NETO2: variants seen among roughly 807,000 people sequenced by gnomAD.
The protein encoded by NETO2 is neuropilin and tolloid-like protein 2.
A neutral mutation model predicts 62.5 loss-of-function variants in NETO2; 28 were observed. The observed-to-expected ratio is 0.45, with a 90% CI of 0.33 to 0.61. The LOEUF is 0.61. Ranked by LOEUF, NETO2 falls within the 20% of genes least tolerant of loss-of-function variation. The pLI is 0.02. For missense variants in NETO2, 548 were observed against 643.2 expected, an observed-to-expected ratio of 0.85 and a Z score of 1.60; for synonymous variants, 214 against 219.1, an observed-to-expected ratio of 0.98 and a Z score of 0.21.
intron 2 of NETO2, among the ~76,000 whole-genome samples, chr16:47,131,328 A>G (rs1267089938): frequency 6.6e-6 from 1 of 152,210 alleles, no homozygotes; most frequent in Admixed American, 6.5e-5. Flanking sequence ...GCAATACAGC[A>G]TGTTATTTAG....
In NETO2 at chr16:47,079,067, G is replaced by T. The variant is rs1041255140; in HGVS notation, c.*4154C>A. 5.3e-5 allele frequency: 8 copies of T among 152,018 alleles called. No homozygotes were observed. Among genetic ancestry groups the T allele is most frequent in the African/African-American group, 1.9e-4 (8 of 41,384 alleles). The allele number at this position is 152,018 out of a possible 1,614,324, so 9.4% of individuals were successfully genotyped here. On this transcript the variant is annotated 3_prime_UTR_variant, in exon 9 of 9. Transcript: ENST00000562435. Reference sequence around the variant, plus strand: ...GAGGCCGAGGCGGGCGGATCACGAGGTCAGGAGATCGAGACCATCCTGGCT... The same window carrying T: ...GAGGCCGAGGCGGGCGGATCACGAGTTCAGGAGATCGAGACCATCCTGGCT...
chr16:47,106,988 C>A (rs77409725), intron 7 of NETO2, among the ~76,000 whole-genome samples: 2 of 152,026 alleles, frequency 1.3e-5, no homozygotes, highest in African/African-American at 4.8e-5. Context: ...TGCCACATTG[C>A]CCAGGCTGGT....
At chr16:47,085,177 C>T (rs1015769655) in intron 8 of NETO2, among the ~76,000 whole-genome samples, 13 of 152,048 alleles carry the variant, frequency 8.5e-5, no homozygotes, top group Non-Finnish European at 1.2e-4. Flanking sequence ...GGAAATGTTA[C>T]GAAATAAAAA....
chr16:47,090,531 A>G (rs1250291148), intron 7 of NETO2, among the ~76,000 whole-genome samples: 1 of 152,042 alleles, frequency 6.6e-6, no homozygotes, highest in East Asian at 1.9e-4. Context: ...CTCTCTACCT[A>G]TTGCTGTTCC....
chr16:47,118,814 T>A (rs1963975668), intron 6 of NETO2, among the ~76,000 whole-genome samples: 1 of 152,186 alleles, frequency 6.6e-6, no homozygotes, highest in African/African-American at 2.4e-5. Context: ...CATTTCTGTA[T>A]CACTAAAGCC....
chr16:47,131,973 G>C lies in NETO2; in HGVS notation c.87C>G (p.Thr29=), dbSNP rs749963851. 6.2e-7 allele frequency: 1 copy of C among 1,611,852 alleles called. No individual in the cohort carries two copies. Among genetic ancestry groups the C allele is most frequent in the South Asian group, 1.1e-5 (1 of 90,994 alleles). The change falls in exon 2 of 9, where the codon ACC becomes ACG. Residue 29 remains threonine, a synonymous_variant. Transcript: ENST00000562435. ...TCACCAATGTAAGTACTTTACCTTG[G>C]GTTTTTTGGGCCACGGCAATCCCTT... ...VVEGIAVAQK[T]QDGQNIGIKH...
intron 1 of NETO2, among the ~76,000 whole-genome samples, chr16:47,135,010 A>G (rs1156915938): frequency 1.3e-5 from 2 of 152,210 alleles, no homozygotes; most frequent in East Asian, 3.8e-4. Context: ...CTGTGCCACT[A>G]AATATAAAAA....
At chr16:47,100,560 A>G (rs963045739) in intron 7 of NETO2, among the ~76,000 whole-genome samples, 53 of 152,172 alleles carry the variant, frequency 3.5e-4, no homozygotes, top group Admixed American at 3.4e-3. Context: ...CGCTAGTCAG[A>G]CTAATAAAGA....
At chr16:47,129,658 A>C (rs1333021226) in intron 2 of NETO2, among the ~76,000 whole-genome samples, 1 of 152,216 alleles carries the variant, frequency 6.6e-6, no homozygotes, top group Non-Finnish European at 1.5e-5. Flanking sequence ...AAGATGCAAT[A>C]CAATTCAGTT....
intron 1 of NETO2, among the ~76,000 whole-genome samples, chr16:47,133,691 C>T (rs1199550456): frequency 6.6e-6 from 1 of 151,638 alleles, no homozygotes; most frequent in Non-Finnish European, 1.5e-5. Context: ...CTCTAACCTA[C>T]AGCAGGTTTT....
At chr16:47,112,936 T>C (rs577318846) in intron 6 of NETO2, among the ~76,000 whole-genome samples, 5 of 152,350 alleles carry the variant, frequency 3.3e-5, no homozygotes, top group South Asian at 2.1e-4. Flanking sequence ...ATATGTTGTA[T>C]TGTTCCATAT....
At chr16:47,116,043 C>G (rs2143933691) in intron 6 of NETO2, among the ~76,000 whole-genome samples, 1 of 151,534 alleles carries the variant, frequency 6.6e-6, no homozygotes, top group Non-Finnish European at 1.5e-5. Flanking sequence ...GCTACAACTT[C>G]TAGTATAACA....
chr16:47,133,279 T>C (rs1225841060), intron 1 of NETO2, among the ~76,000 whole-genome samples: 2 of 151,254 alleles, frequency 1.3e-5, no homozygotes, highest in Non-Finnish European at 2.9e-5. Flanking sequence ...ACAGCTTAAA[T>C]AAGAACATGG....
chr16:47,094,614 A>G (rs1183596889), intron 7 of NETO2, among the ~76,000 whole-genome samples: 2 of 151,956 alleles, frequency 1.3e-5, no homozygotes, highest in East Asian at 3.9e-4. Context: ...TTTAGTAGAG[A>G]CAGGGTTTCA....
chr16:47,111,710 C>A, intron 6 of NETO2, among the ~76,000 whole-genome samples: 1 of 152,168 alleles, frequency 6.6e-6, no homozygotes, highest in East Asian at 1.9e-4. Context: ...GTAGGCCGGT[C>A]TGCTCTGCAG....
intron 1 of NETO2, among the ~76,000 whole-genome samples, chr16:47,137,826 T>C (rs1364497103): frequency 3.9e-5 from 6 of 152,196 alleles, no homozygotes; most frequent in African/African-American, 1.2e-4. Context: ...GTAACAGAAA[T>C]ACCTAAACTA....
chr16:47,130,938 G>A (rs561845200), intron 2 of NETO2, among the ~76,000 whole-genome samples: 67 of 152,072 alleles, frequency 4.4e-4, no homozygotes, highest in East Asian at 3.5e-3. Flanking sequence ...AAGTCTCAGC[G>A]AATGTGGAGC....
chr16:47,087,836 G>A (rs1217831451), intron 7 of NETO2, among the ~76,000 whole-genome samples: 1 of 152,138 alleles, frequency 6.6e-6, no homozygotes, highest in Non-Finnish European at 1.5e-5. Flanking sequence ...GGGGTAGCCA[G>A]TCGCTCCTGT....
intron 7 of NETO2, among the ~76,000 whole-genome samples, chr16:47,091,426 G>GA (rs1372409488): frequency 6.6e-6 from 1 of 152,154 alleles, no homozygotes; most frequent in African/African-American, 2.4e-5. Context: ...CATGGATATA[G>GA]ACCAGTGCTG....
Sources: gnomAD v4.1 joint callset for allele counts (sites outside exome capture counted in the v4.1 genomes callset) on GRCh38, gnomAD v4.1.1 for gene constraint, MANE v1.5 for transcripts, NCBI Gene and HGNC (gene_info 2026-07-23, HGNC 2026-07-21) for gene names.